The following DNAJC5 variants were observed in gnomAD, a reference collection of about 807,000 sequenced individuals.
The protein encoded by DNAJC5 is DnaJ heat shock protein family (Hsp40) member C5, also known as dnaJ homolog subfamily C member 5.
A neutral mutation model predicts 23.2 loss-of-function variants in DNAJC5; 1 was observed. The observed-to-expected ratio is 0.04, with a 90% CI of 0.02 to 0.20. DNAJC5 has a LOEUF of 0.20. Ranked by LOEUF, DNAJC5 falls within the 10% of genes least tolerant of loss-of-function variation. The pLI, the probability that DNAJC5 is intolerant of heterozygous loss-of-function variation, is 1.00. For synonymous variants in DNAJC5, 136 were observed against 120.0 expected, an observed-to-expected ratio of 1.13 and a Z score of -0.87; for missense variants, 180 against 267.0, an observed-to-expected ratio of 0.67 and a Z score of 2.27.
At chr20:63,913,747 A>G (rs2053498265) in intron 1 of DNAJC5, among the ~76,000 whole-genome samples, 1 of 151,922 alleles carries the variant, frequency 6.6e-6, no homozygotes, top group Non-Finnish European at 1.5e-5. Flanking sequence ...CGCCCAGCTA[A>G]TTTTGTATTT....
At chr20:63,899,273 A>T (rs1009586911) in intron 1 of DNAJC5, among the ~76,000 whole-genome samples, 1 of 152,118 alleles carries the variant, frequency 6.6e-6, no homozygotes, top group African/African-American at 2.4e-5. Context: ...CCATGCCAGG[A>T]CCCCTCAGAT....
At position 63,928,252 on chromosome 20, in the gene DNAJC5, T is replaced by C; in HGVS notation, c.-11-83T>C. 8.8e-7 allele frequency: 1 copy of C among 1,132,082 alleles called. No individual in the cohort carries two copies. Among genetic ancestry groups the C allele is most frequent in the Non-Finnish European group, 1.3e-6 (1 of 761,896 alleles). The allele number at this position is 1,132,082 out of a possible 1,614,324, so 70.1% of individuals were successfully genotyped here. On this transcript the variant is annotated intron_variant, in intron 1 of 4. Transcript: ENST00000360864. The surrounding 1 kb of genome is among the most constrained non-coding windows in gnomAD (Gnocchi z 4.6). ...TGTTGGATTCTTTTGCTTTGAACGG[T>C]CTTATGGAATAAAGTCCATCAGCTC...
intron 1 of DNAJC5, among the ~76,000 whole-genome samples, chr20:63,901,032 G>C (rs978375417): frequency 1.3e-5 from 2 of 152,162 alleles, no homozygotes. Flanking sequence ...TGGCACGATC[G>C]TGTCTCACTG....
intron 1 of DNAJC5, among the ~76,000 whole-genome samples, chr20:63,896,348 T>C (rs530799648): frequency 1.1e-4 from 17 of 152,192 alleles, no homozygotes; most frequent in Non-Finnish European, 1.8e-4. Flanking sequence ...TGGGGAAGTT[T>C]CGGTTGAGTT....
chr20:63,910,665 G>C (rs1429845249), intron 1 of DNAJC5, among the ~76,000 whole-genome samples: 1 of 130,294 alleles, frequency 7.7e-6, no homozygotes, highest in African/African-American at 3.1e-5. Context: ...ATAGGGTTTT[G>C]AGAATGTTTT....
At chr20:63,913,458 G>A (rs577198007) in intron 1 of DNAJC5, among the ~76,000 whole-genome samples, 7 of 151,616 alleles carry the variant, frequency 4.6e-5, no homozygotes, top group Admixed American at 2.0e-4. Context: ...GTGCAGTGGT[G>A]CGGTCTCAGC....
chr20:63,926,336 A>C lies in DNAJC5; in HGVS notation c.-11-1999A>C, dbSNP rs531851167. On this transcript the variant is annotated intron_variant, in intron 1 of 4. Transcript: ENST00000360864. ...AGTGATGTCTTTCCTCATGTTGCTC[A>C]AAGAACCAACTCTTTTGGCTTTGTT... Among the ~76,000 whole-genome samples, 3 of 152,330 alleles carry C rather than the reference A, an allele frequency of 2.0e-5. No homozygotes were observed. The East Asian group carries it at 5.8e-4, about 29-fold the overall frequency.
In DNAJC5 at chr20:63,899,880, C is replaced by CTTTT. The variant is rs1206952926; in HGVS notation, c.-12+4574_-12+4577dup. On this transcript the variant is annotated intron_variant, in intron 1 of 4. Coordinates refer to ENST00000360864, the MANE Select transcript of DNAJC5 (RefSeq NM_025219.3). ...GCAGGTGTGAGCCACTGCGCCTGGG[C>CTTTT]TTTTTTTTTTTTTTTTTTTTGGTTG... 1.7e-5 allele frequency among the ~76,000 whole-genome samples: 2 copies of CTTTT among 114,796 alleles called. 1 individual carries two copies. 75.3% of individuals were successfully genotyped at this position (114,796 alleles called of 152,430 possible). A position where few individuals can be genotyped will look rare whatever the true frequency, so the allele number is the denominator to read the frequency against.
Position 63,929,686 on chromosome 20 carries a change from C to T in DNAJC5, c.321+161C>T, listed in dbSNP as rs1471553132. On this transcript the variant is annotated intron_variant, in intron 3 of 4. Coordinates refer to ENST00000360864, the MANE Select transcript of DNAJC5 (RefSeq NM_025219.3). The surrounding 1 kb of genome is among the most constrained non-coding windows in gnomAD (Gnocchi z 8.6). ...CGAGTCTCTCCTGCCGTGCGGGCAC[C>T]CGAGTCACTCCTGCCGTGCGGGCGC... Among the ~76,000 whole-genome samples, 2 of 147,542 alleles carry T rather than the reference C, an allele frequency of 1.4e-5. No individual in the cohort carries two copies. Among genetic ancestry groups the T allele is most frequent in the Middle Eastern group, 3.4e-3 (1 of 298 alleles).
At chr20:63,898,209 C>CGTGT (rs796711231) in intron 1 of DNAJC5, among the ~76,000 whole-genome samples, 10 of 152,246 alleles carry the variant, frequency 6.6e-5, no homozygotes, top group African/African-American at 2.4e-4. Flanking sequence ...GAGGTGCTCA[C>CGTGT]GTGTGTGCCT....
Position 63,909,725 on chromosome 20 carries a change from TTTC to T in DNAJC5, c.-12+14404_-12+14406del, listed in dbSNP as rs577114807. Among the ~76,000 whole-genome samples the T allele has an allele frequency of 7.7e-4, 118 of 152,304 alleles. 1 individual carries two copies. In the South Asian group the frequency reaches 8.5e-3, roughly 11 times the overall value. On this transcript the variant is annotated intron_variant, in intron 1 of 4. Transcript: ENST00000360864. ...AAAAAGTCTTCCCCGTGAGAGTAGATTTCTACTGAATCGATTGCTGGTTTTATG... is the reference window on the plus strand; with the variant it reads ...AAAAAGTCTTCCCCGTGAGAGTAGATTACTGAATCGATTGCTGGTTTTATG...
At chr20:63,918,184 A>G (rs538948298) in intron 1 of DNAJC5, among the ~76,000 whole-genome samples, 1 of 152,332 alleles carries the variant, frequency 6.6e-6, no homozygotes, top group Non-Finnish European at 1.5e-5. Context: ...TGTAGCTACA[A>G]TCTGCAGTGT....
intron 1 of DNAJC5, among the ~76,000 whole-genome samples, chr20:63,925,061 G>A (rs1441328055): frequency 6.6e-6 from 1 of 152,236 alleles, no homozygotes; most frequent in Non-Finnish European, 1.5e-5. Context: ...CCTACCTGAA[G>A]GCAGGAAAGT....
In DNAJC5 at chr20:63,935,239, T is replaced by G. The variant is rs1160063609; in HGVS notation, c.*3671T>G. ...TATCACGCAGCAGGAGTGTCATTCA[T>G]GCTGCTGTCCCCTGGTGAAGTGACA... On this transcript the variant is annotated 3_prime_UTR_variant, in exon 5 of 5. Coordinates refer to ENST00000360864, the MANE Select transcript of DNAJC5 (RefSeq NM_025219.3). 2 of 151,784 alleles carry G rather than the reference T, an allele frequency of 1.3e-5. No individual in the cohort carries two copies. The highest frequency in any genetic ancestry group is 3.8e-4 in the East Asian group (2 of 5,198). The allele number at this position is 151,784 out of a possible 1,614,324, so 9.4% of individuals were successfully genotyped here.
chr20:63,906,168 A>G (rs2053447334), intron 1 of DNAJC5, among the ~76,000 whole-genome samples: 1 of 152,118 alleles, frequency 6.6e-6, no homozygotes. Flanking sequence ...AACTTTGTCT[A>G]TATATGTACT....
At chr20:63,902,275 C>CG (rs2053418239) in intron 1 of DNAJC5, among the ~76,000 whole-genome samples, 1 of 151,212 alleles carries the variant, frequency 6.6e-6, no homozygotes, top group African/African-American at 2.4e-5. Context: ...AGGATGGTCT[C>CG]GATCTCCTGA....
intron 1 of DNAJC5, among the ~76,000 whole-genome samples, chr20:63,897,111 T>C (rs1225195852): frequency 6.6e-6 from 1 of 152,220 alleles, no homozygotes; most frequent in Non-Finnish European, 1.5e-5. Flanking sequence ...AAGTCAGATC[T>C]GTTGGGGGCA....
rs2053426155 is a variant in DNAJC5 at position 63,903,234 on chromosome 20, T to C, written c.-12+7911T>C. On this transcript the variant is annotated intron_variant, in intron 1 of 4. Coordinates refer to ENST00000360864, the MANE Select transcript of DNAJC5 (RefSeq NM_025219.3). ...TGCCTCAGCCTCCCAAGGTGGTGCA[T>C]GCCTACAGTCTCAGTAGATTAGAAT... Among the ~76,000 whole-genome samples, 3 of 152,080 alleles carry C rather than the reference T, an allele frequency of 2.0e-5. No homozygotes were observed. The South Asian group carries it at 6.2e-4, about 32-fold the overall frequency.
intron 1 of DNAJC5, among the ~76,000 whole-genome samples, chr20:63,925,862 G>C (rs1360426174): frequency 2.9e-5 from 4 of 135,638 alleles, no homozygotes; most frequent in East Asian, 2.2e-4. Flanking sequence ...GAGTCTCGCT[G>C]TGTCGCCCAG....
Sources: allele counts gnomAD v4.1 joint callset (sites outside exome capture counted in the v4.1 genomes callset), GRCh38; gene constraint gnomAD v4.1.1; non-coding constraint Gnocchi (gnomAD v3.1); transcripts MANE v1.5; gene names NCBI Gene and HGNC (gene_info 2026-07-23, HGNC 2026-07-21).